The following USP32 variants were observed in gnomAD, a reference collection of about 807,000 sequenced individuals.
USP32 encodes ubiquitin carboxyl-terminal hydrolase 32.
USP32 carries 59 observed loss-of-function variants against 204.8 expected under a neutral mutation model. The observed-to-expected ratio is 0.29, with a 90% CI of 0.23 to 0.36. The LOEUF (loss-of-function observed/expected upper bound fraction) is 0.36. Among genes scored for constraint, USP32 ranks in the 10% least tolerant of loss-of-function variants. USP32 has a pLI of 1.00. For missense variants in USP32, 1,160 were observed against 1,946.4 expected (o/e 0.60, Z 7.60); for synonymous variants, 517 against 678.4 (o/e 0.76, Z 3.70).
chr17:60,271,525 T>G, intron 5 of USP32, 44 bp from the exon 6 acceptor site: 3 of 1,587,922 alleles, frequency 1.9e-6, no homozygotes, highest in Non-Finnish European at 2.6e-6. Context: ...CAGAATTCTC[T>G]TCTCAGGAGT....
At chr17:60,234,399 C>T (rs2085659019) in intron 12 of USP32, among the ~76,000 whole-genome samples, 1 of 150,996 alleles carries the variant, frequency 6.6e-6, no homozygotes, top group Admixed American at 6.6e-5. Flanking sequence ...AGGTGTGAGC[C>T]ACCACACCCG....
rs558944482 is a variant in USP32, at chr17:60,276,105, G to A, written c.572-4624C>T. ...TTTTTAAAATATATAACGGCTGGGCGTGGTGGCTCACACCTATAATCCCAG... is the reference window on the plus strand; with the variant it reads ...TTTTTAAAATATATAACGGCTGGGCATGGTGGCTCACACCTATAATCCCAG... On this transcript the variant is annotated intron_variant, in intron 5 of 33. Transcript: ENST00000300896. Among the ~76,000 whole-genome samples, 475 of 152,178 alleles carry A rather than the reference G, an allele frequency of 3.1e-3. 1 individual carries two copies. Among genetic ancestry groups the A allele is most frequent in the South Asian group, 5.0e-3 (24 of 4,824 alleles).
At chr17:60,252,576 A>G in intron 10 of USP32, 134 bp from the exon 11 acceptor site, 1 of 613,632 alleles carries the variant, frequency 1.6e-6, no homozygotes, top group Non-Finnish European at 2.7e-6. Context: ...TATTCACTTG[A>G]GCAAATTTTA....
intron 1 of USP32, among the ~76,000 whole-genome samples, chr17:60,352,420 T>C (rs551030623): frequency 2.0e-5 from 3 of 152,342 alleles, no homozygotes; most frequent in East Asian, 1.9e-4. Context: ...TAGATGACCA[T>C]GGAACTGCCA....
intron 1 of USP32, among the ~76,000 whole-genome samples, chr17:60,400,366 G>C (rs2089926691): frequency 6.6e-6 from 1 of 152,212 alleles, no homozygotes; most frequent in Non-Finnish European, 1.5e-5. Flanking sequence ...CCAATTAGGG[G>C]GCGACTGCAT....
At chr17:60,267,058 C>T (rs527827866) in intron 7 of USP32, among the ~76,000 whole-genome samples, 3 of 151,430 alleles carry the variant, frequency 2.0e-5, no homozygotes, top group South Asian at 2.1e-4. Flanking sequence ...CAAAGTGGTA[C>T]GATTACAGGC....
chr17:60,271,229 A>G, intron 6 of USP32, 121 bp downstream of exon 6: 1 of 1,311,804 alleles, frequency 7.6e-7, no homozygotes, highest in East Asian at 2.5e-5. Context: ...TCCCCACTCC[A>G]TTAAACCTGC....
intron 4 of USP32, among the ~76,000 whole-genome samples, chr17:60,292,775 G>A (rs1233906703): frequency 6.8e-6 from 1 of 147,454 alleles, no homozygotes; most frequent in Non-Finnish European, 1.5e-5. Context: ...GTGATCATGT[G>A]TGTAAAAAAA....
intron 1 of USP32, among the ~76,000 whole-genome samples, chr17:60,408,234 G>A (rs1195769691): frequency 6.6e-6 from 1 of 152,130 alleles, no homozygotes; most frequent in African/African-American, 2.4e-5. Flanking sequence ...TATGGAATTA[G>A]CAGATAAGAA....
At chr17:60,400,808 G>T (rs929310101) in intron 1 of USP32, among the ~76,000 whole-genome samples, 1 of 152,054 alleles carries the variant, frequency 6.6e-6, no homozygotes, top group Non-Finnish European at 1.5e-5. Flanking sequence ...ATCACTTGTG[G>T]CCAGGGGTTT....
chr17:60,402,707 A>G (rs2089945546), intron 1 of USP32, among the ~76,000 whole-genome samples: 1 of 152,230 alleles, frequency 6.6e-6, no homozygotes, highest in African/African-American at 2.4e-5. Context: ...GTAGCATAAA[A>G]CAATGACAAC....
chr17:60,368,361 T>C (rs1424696142), intron 1 of USP32, among the ~76,000 whole-genome samples: 1 of 152,214 alleles, frequency 6.6e-6, no homozygotes, highest in African/African-American at 2.4e-5. Flanking sequence ...AGTAAATATT[T>C]TCACTTCATA....
At chr17:60,395,297 A>AT (rs1271540772), upstream of USP32, among the ~76,000 whole-genome samples, 1 of 152,202 alleles carries the variant, frequency 6.6e-6, no homozygotes, top group Non-Finnish European at 1.5e-5. Flanking sequence ...CACTCCATGG[A>AT]TTAAGCACTT....
intron 1 of USP32, among the ~76,000 whole-genome samples, chr17:60,362,033 T>G (rs2089217907): frequency 6.6e-6 from 1 of 152,170 alleles, no homozygotes. Flanking sequence ...TACACATGGT[T>G]AGTACAGACT....
chr17:60,362,638 A>G (rs1470311689), intron 1 of USP32, among the ~76,000 whole-genome samples: 3 of 152,208 alleles, frequency 2.0e-5, no homozygotes, highest in Admixed American at 6.5e-5. Context: ...TTTCGTTTCC[A>G]TAATATAACA....
At chr17:60,205,115 AAGT>A (rs1413236909) in intron 26 of USP32, among the ~76,000 whole-genome samples, 2 of 152,186 alleles carry the variant, frequency 1.3e-5, no homozygotes, top group East Asian at 3.9e-4. Flanking sequence ...TTTCTAAAGA[AAGT>A]AGTACTCAGA....
intron 17 of USP32, among the ~76,000 whole-genome samples, chr17:60,214,132 G>C (rs2085043150): frequency 6.6e-6 from 1 of 152,028 alleles, no homozygotes; most frequent in South Asian, 2.1e-4. Context: ...AGTAGAGACA[G>C]GGTTTCACCA....
intron 1 of USP32, among the ~76,000 whole-genome samples, chr17:60,398,344 A>G (rs1279450596): frequency 1.3e-5 from 2 of 152,182 alleles, no homozygotes; most frequent in African/African-American, 4.8e-5. Context: ...ACAGTTACCC[A>G]TGACTGCGTC....
chr17:60,217,204 T>C (rs1277513429), intron 16 of USP32, among the ~76,000 whole-genome samples: 2 of 152,182 alleles, frequency 1.3e-5, no homozygotes, highest in African/African-American at 4.8e-5. Context: ...TAGTGGAATT[T>C]ATAGAAGCAG....
Sources: allele counts gnomAD v4.1 joint callset (sites outside exome capture counted in the v4.1 genomes callset), GRCh38; gene constraint gnomAD v4.1.1; transcripts MANE v1.5; gene names NCBI Gene and HGNC (gene_info 2026-07-23, HGNC 2026-07-21).